The following CDH18 variants were observed in gnomAD, a reference collection of about 807,000 sequenced individuals.
The protein encoded by CDH18 is cadherin-18.
In CDH18, 31 loss-of-function variants were observed where a neutral mutation model predicts 67.9. The observed-to-expected ratio is 0.46, with a 90% confidence interval of 0.34 to 0.62. The LOEUF is 0.62. CDH18 is among the 20% of genes least tolerant of loss of function. CDH18 has a pLI of 0.01. For missense variants in CDH18, 890 were observed against 975.5 expected (o/e 0.91, Z 1.17); for synonymous variants, 362 against 347.2 (o/e 1.04, Z -0.48).
intron 5 of CDH18, among the ~76,000 whole-genome samples, chr5:19,637,623 G>A (rs1186913570): frequency 1.3e-5 from 2 of 152,048 alleles, no homozygotes; most frequent in East Asian, 1.9e-4. Flanking sequence ...ATCCTCTGTC[G>A]TCAATACCTA....
intron 5 of CDH18, among the ~76,000 whole-genome samples, chr5:19,619,914 G>A (rs1750428155): frequency 6.6e-6 from 1 of 151,942 alleles, no homozygotes; most frequent in African/African-American, 2.4e-5. Context: ...ATTAGACACT[G>A]GCATCTTAAA....
intron 7 of CDH18, among the ~76,000 whole-genome samples, chr5:19,576,851 C>T (rs899747497): frequency 4.6e-5 from 7 of 151,954 alleles, no homozygotes; most frequent in Non-Finnish European, 8.8e-5. Context: ...TATTCATCCA[C>T]GAATAAAAGG....
intron 2 of CDH18, among the ~76,000 whole-genome samples, chr5:19,940,670 C>G (rs1013329534): frequency 6.6e-6 from 1 of 151,272 alleles, no homozygotes; most frequent in South Asian, 2.1e-4. Flanking sequence ...TTCCTAGTTC[C>G]TTCTCAGTTT....
At position 19,610,075 on chromosome 5, in the gene CDH18, C is replaced by T. The variant is rs115406976; in HGVS notation, c.811+2359G>A. On this transcript the variant is annotated intron_variant, in intron 6 of 12. Transcript: ENST00000382275. ...AGAATTGTTTTGTTCAAATGGAGTG[C>T]GAAATAAAGTATCTTTTAAGAAACC... Among the ~76,000 whole-genome samples, 1,095 of 152,080 alleles carry T rather than the reference C, an allele frequency of 7.2e-3. 14 individuals carry two copies. Among genetic ancestry groups the T allele is most frequent in the African/African-American group, 0.025 (1,034 of 41,520 alleles).
chr5:19,891,451 A>G (rs1477444746), intron 2 of CDH18, among the ~76,000 whole-genome samples: 1 of 152,164 alleles, frequency 6.6e-6, no homozygotes, highest in Non-Finnish European at 1.5e-5. Flanking sequence ...GTTGCTTCAG[A>G]GATTATGTTA....
intron 10 of CDH18, among the ~76,000 whole-genome samples, chr5:19,507,025 C>T (rs1423905301): frequency 2.0e-5 from 3 of 152,092 alleles, no homozygotes; most frequent in Non-Finnish European, 4.4e-5. Flanking sequence ...GGCTAATATC[C>T]AGAATCTACA....
At chr5:20,176,686 A>T (rs1737260003) in intron 2 of CDH18, among the ~76,000 whole-genome samples, 1 of 152,166 alleles carries the variant, frequency 6.6e-6, no homozygotes, top group South Asian at 2.1e-4. Context: ...AAATATTTAA[A>T]TACAGTTTTT....
At chr5:20,232,994 A>T (rs1044204053) in intron 2 of CDH18, among the ~76,000 whole-genome samples, 1 of 151,960 alleles carries the variant, frequency 6.6e-6, no homozygotes, top group Non-Finnish European at 1.5e-5. Flanking sequence ...TGCAATAACA[A>T]TAAAGAAGTT....
chr5:20,014,953 T>C (rs1318797687), intron 2 of CDH18, among the ~76,000 whole-genome samples: 1 of 152,118 alleles, frequency 6.6e-6, no homozygotes, highest in African/African-American at 2.4e-5. Flanking sequence ...GAAACCCACA[T>C]TCTTCTAGAA....
chr5:19,486,074 G>A (rs564605048), intron 11 of CDH18, among the ~76,000 whole-genome samples: 50 of 151,984 alleles, frequency 3.3e-4, no homozygotes, highest in African/African-American at 9.4e-4. Flanking sequence ...TGTTTTTCCC[G>A]TTAAAGTTTT....
At chr5:19,968,533 A>G (rs1486440397) in intron 2 of CDH18, among the ~76,000 whole-genome samples, 2 of 151,678 alleles carry the variant, frequency 1.3e-5, no homozygotes, top group African/African-American at 4.9e-5. Context: ...CTCAGAAATA[A>G]CGCCACATAT....
At chr5:19,881,189 G>A (rs1579404821) in intron 2 of CDH18, among the ~76,000 whole-genome samples, 1 of 152,128 alleles carries the variant, frequency 6.6e-6, no homozygotes, top group Non-Finnish European at 1.5e-5. Context: ...TGGAAACAAG[G>A]AAAAGGGAAG....
intron 2 of CDH18, among the ~76,000 whole-genome samples, chr5:20,254,041 G>A (rs1043769214): frequency 3.3e-5 from 5 of 152,190 alleles, no homozygotes; most frequent in Admixed American, 3.3e-4. Flanking sequence ...AAACCCATGA[G>A]GCTAGTAGTA....
chr5:19,622,088 A>C (rs531714640), intron 5 of CDH18, among the ~76,000 whole-genome samples: 1 of 152,238 alleles, frequency 6.6e-6, no homozygotes, highest in East Asian at 1.9e-4. Context: ...CTGTTGGCCA[A>C]CAGACCCTCA....
At chr5:20,435,940 C>T (rs138963157) in intron 1 of CDH18, among the ~76,000 whole-genome samples, 3 of 151,966 alleles carry the variant, frequency 2.0e-5, no homozygotes, top group Non-Finnish European at 4.4e-5. Flanking sequence ...GTTTATATTG[C>T]CTTTTCGTTA....
chr5:19,765,868 T>C (rs1186517191), intron 3 of CDH18, among the ~76,000 whole-genome samples: 1 of 129,552 alleles, frequency 7.7e-6, no homozygotes, highest in Non-Finnish European at 1.6e-5. Flanking sequence ...AATGGAAATT[T>C]TATTCAAAAA....
intron 1 of CDH18, among the ~76,000 whole-genome samples, chr5:20,369,090 G>A (rs1308923096): frequency 2.0e-5 from 3 of 151,410 alleles, no homozygotes; most frequent in African/African-American, 7.3e-5. Flanking sequence ...GACTGCTATG[G>A]AAACCAAAAA....
chr5:20,107,762 TTTTTA>T (rs1246236431), intron 2 of CDH18, among the ~76,000 whole-genome samples: 5 of 152,064 alleles, frequency 3.3e-5, no homozygotes, highest in Non-Finnish European at 5.9e-5. Context: ...ACTTCTTTTT[TTTTTA>T]TTTTATTATT....
At position 19,923,361 on chromosome 5, in the gene CDH18, T is replaced by C. The variant is rs200920161; in HGVS notation, c.-257+57699A>G. Among the ~76,000 whole-genome samples the C allele has an allele frequency of 8.9e-4, 136 of 152,316 alleles. 2 individuals are homozygous for C. The highest frequency in any genetic ancestry group is 6.8e-3 in the Middle Eastern group (2 of 294). On this transcript the variant is annotated intron_variant, in intron 2 of 12. Transcript: ENST00000382275. ...TCCTCTCTGAGCCCTGTCTGATTTC[T>C]TGATCCACAGAAACTTTTAAGCATA...
Sources: gnomAD v4.1 joint callset for allele counts (sites outside exome capture counted in the v4.1 genomes callset) on GRCh38, gnomAD v4.1.1 for gene constraint, MANE v1.5 for transcripts, NCBI Gene and HGNC (gene_info 2026-07-23, HGNC 2026-07-21) for gene names.